Variants in PTPRC observed in about 807,000 individuals in gnomAD.
The protein encoded by PTPRC is receptor-type tyrosine-protein phosphatase C.
Under a neutral mutation model 155.9 loss-of-function variants are expected in PTPRC, and 44 were observed. The observed-to-expected ratio is 0.28, with a 90% CI of 0.22 to 0.36. The LOEUF (loss-of-function observed/expected upper bound fraction) is 0.36, where lower values mean the gene tolerates loss of function less well. Ranked by LOEUF, PTPRC falls within the 10% of genes least tolerant of loss-of-function variation. The pLI is 1.00. For synonymous variants in PTPRC, 525 were observed against 533.1 expected, an observed-to-expected ratio of 0.98 and a Z score of 0.21; for missense variants, 1,401 against 1,564.6, an observed-to-expected ratio of 0.90 and a Z score of 1.76.
At chr1:198,725,983 A>G (rs2102467366) in intron 15 of PTPRC, among the ~76,000 whole-genome samples, 1 of 152,310 alleles carries the variant, frequency 6.6e-6, no homozygotes, top group South Asian at 2.1e-4. Flanking sequence ...TTTTAATATT[A>G]GCAGGGTTCC....
intron 5 of PTPRC, 137 bp from the exon 6 acceptor site, chr1:198,702,250 G>T: frequency 9.2e-7 from 1 of 1,088,930 alleles, no homozygotes. Flanking sequence ...TAGAATGCAT[G>T]TGTCGTGGTA....
intron 5 of PTPRC, among the ~76,000 whole-genome samples, chr1:198,701,824 G>A (rs555758140): frequency 1.1e-4 from 16 of 152,314 alleles, no homozygotes; most frequent in Admixed American, 3.3e-4. Context: ...TGGAAAGGAA[G>A]AAAAAGAAAA....
chr1:198,694,642 A>G (rs1328520249), intron 3 of PTPRC: 2 of 984,514 alleles, frequency 2.0e-6, no homozygotes, highest in African/African-American at 3.5e-5. Flanking sequence ...AAAAATAACA[A>G]ATTAATAATT....
At chr1:198,638,766 A>G (rs978866467), upstream of PTPRC, 4 of 156,746 alleles carry the variant, frequency 2.6e-5, no homozygotes, top group Non-Finnish European at 4.3e-5. Context: ...ACTTATGCTG[A>G]ATCTGTTTGT....
At chr1:198,735,090 T>G (rs1319915754) in intron 22 of PTPRC, 37 bp from the exon 23 acceptor site, 2 of 1,515,058 alleles carry the variant, frequency 1.3e-6, no homozygotes, top group Non-Finnish European at 1.8e-6. Flanking sequence ...TGGCTTAAAT[T>G]AAAAATTAAA....
chr1:198,643,346 A>C (rs1376487135), intron 2 of PTPRC, among the ~76,000 whole-genome samples: 1 of 151,926 alleles, frequency 6.6e-6, no homozygotes, highest in Non-Finnish European at 1.5e-5. Flanking sequence ...CATAGATTAA[A>C]AAAATAAAAC....
At chr1:198,653,412 C>T (rs1453081388) in intron 2 of PTPRC, among the ~76,000 whole-genome samples, 2 of 151,658 alleles carry the variant, frequency 1.3e-5, no homozygotes, top group Non-Finnish European at 2.9e-5. Context: ...TGGTTTTTCA[C>T]TTTAAGAATT....
rs1164523083 is a variant in PTPRC, at chr1:198,699,595, C to T, written c.330C>T (p.Pro110=). 1.2e-6 allele frequency: 2 copies of T among 1,614,076 alleles called. No individual in the cohort carries two copies. The highest frequency in any genetic ancestry group is 2.2e-5 in the East Asian group (1 of 44,890). Reference sequence around the variant, plus strand: ...CATCAGTACAGACGCCTCACCTTCCCACGCACGCAGACTCGCAGACGCCCT... The same window carrying T: ...CATCAGTACAGACGCCTCACCTTCCTACGCACGCAGACTCGCAGACGCCCT... The part of the protein sequence containing the change: ...GVSSVQTPHL[P]THADSQTPSA... The change falls in exon 5 of 33, where the codon CCC becomes CCT. Residue 110 remains proline (P), a synonymous_variant. Coordinates refer to ENST00000442510, the MANE Select transcript of PTPRC (RefSeq NM_002838.5).
chr1:198,683,180 A>G (rs946060790), intron 2 of PTPRC, among the ~76,000 whole-genome samples: 4 of 152,184 alleles, frequency 2.6e-5, no homozygotes, highest in African/African-American at 9.6e-5. Context: ...TAGGATTTCT[A>G]TAATGATTAG....
At chr1:198,703,400 C>T (rs952210292) in intron 7 of PTPRC, 28 bp downstream of exon 7, 4 of 1,610,156 alleles carry the variant, frequency 2.5e-6, no homozygotes, top group Non-Finnish European at 3.4e-6. Context: ...CAGGCAGCCA[C>T]ACCATCCCCA....
intron 23 of PTPRC, among the ~76,000 whole-genome samples, chr1:198,737,416 C>T (rs1038487764): frequency 1.3e-5 from 2 of 151,580 alleles, no homozygotes; most frequent in Admixed American, 1.3e-4. Context: ...ATATGAATAT[C>T]CAGTTTTCAC....
chr1:198,660,450 T>C (rs896181639), intron 2 of PTPRC, among the ~76,000 whole-genome samples: 1 of 150,344 alleles, frequency 6.7e-6, no homozygotes, highest in African/African-American at 2.5e-5. Flanking sequence ...AGAGGAAATA[T>C]GTAATTTACA....
intron 11 of PTPRC, 134 bp from the exon 12 acceptor site, chr1:198,712,819 G>T: frequency 1.0e-6 from 1 of 962,902 alleles, no homozygotes; most frequent in Non-Finnish European, 1.6e-6. Context: ...GAGCCCAGAT[G>T]CATTTCTTTA....
intron 4 of PTPRC, among the ~76,000 whole-genome samples, chr1:198,698,575 G>T (rs1241813073): frequency 2.0e-5 from 3 of 151,708 alleles, no homozygotes; most frequent in African/African-American, 7.3e-5. Context: ...GTTCATTTTT[G>T]AAAATGGCTA....
At chr1:198,650,010 C>T (rs1337505928) in intron 2 of PTPRC, among the ~76,000 whole-genome samples, 1 of 151,772 alleles carries the variant, frequency 6.6e-6, no homozygotes, top group African/African-American at 2.4e-5. Context: ...CATTGAGCTA[C>T]CTGTTGGCTG....
intron 3 of PTPRC, 146 bp from the exon 4 acceptor site, chr1:198,696,566 A>T (rs1666213124): frequency 1.4e-6 from 1 of 727,046 alleles, no homozygotes; most frequent in African/African-American, 1.7e-5. Context: ...ACATACACTT[A>T]TGTATGGTGT....
At chr1:198,662,003 A>G (rs573301107) in intron 2 of PTPRC, among the ~76,000 whole-genome samples, 1 of 152,260 alleles carries the variant, frequency 6.6e-6, no homozygotes, top group Admixed American at 6.5e-5. Flanking sequence ...GGTATCTTGA[A>G]TCAACAAAGA....
chr1:198,676,149 T>A (rs754305300), intron 2 of PTPRC, among the ~76,000 whole-genome samples: 10 of 152,252 alleles, frequency 6.6e-5, no homozygotes, highest in Non-Finnish European at 1.3e-4. Flanking sequence ...TTTAATTCAA[T>A]ACATGGAGTA....
intron 2 of PTPRC, among the ~76,000 whole-genome samples, chr1:198,647,946 A>G (rs1300919888): frequency 6.6e-6 from 1 of 151,858 alleles, no homozygotes; most frequent in Non-Finnish European, 1.5e-5. Context: ...CAAAGTAACA[A>G]CATACCTTGC....
Sources: allele counts gnomAD v4.1 joint callset (sites outside exome capture counted in the v4.1 genomes callset), GRCh38; gene constraint gnomAD v4.1.1; transcripts MANE v1.5; gene names NCBI Gene and HGNC (gene_info 2026-07-23, HGNC 2026-07-21).